NEK9: variants seen among roughly 807,000 people sequenced by gnomAD.
NEK9 encodes the protein serine/threonine-protein kinase Nek9.
A neutral mutation model predicts 123.4 loss-of-function variants in NEK9; 75 were observed. The observed-to-expected ratio is 0.61, with a 90% CI of 0.50 to 0.74. The LOEUF is 0.74. NEK9 is among the 30% of genes least tolerant of loss of function. The probability of loss-of-function intolerance (pLI) is 0.00; values close to 1 mark genes in which losing one functional copy is unlikely to be tolerated. For synonymous variants in NEK9, 438 were observed against 458.7 expected, an observed-to-expected ratio of 0.95 and a Z score of 0.58; for missense variants, 952 against 1,214.4, an observed-to-expected ratio of 0.78 and a Z score of 3.21.
Position 75,126,741 on chromosome 14 carries a change from C to A in NEK9, c.181G>T (p.Gly61Cys). The change falls in exon 1 of 22, where the codon GGC becomes TGC. Residue 61 changes from glycine (G) to cysteine (C), a missense_variant. By Grantham distance (159) the Gly-to-Cys change is radical. Around this residue, in one of 4 missense-constraint regions of NEK9, gnomAD observed 120 missense variants for 97.6 expected, o/e 1.23. Coordinates refer to ENST00000238616, the MANE Select transcript of NEK9 (RefSeq NM_033116.6). ...TACAGCGTGGCTTCCCCGAAGGCGC[C>A]GCGGCCCAGGACGCGGATGGGGATG... is the stretch of plus-strand genomic sequence containing the variant. The part of the protein sequence containing the change: ...HYIPIRVLGR[G>C]AFGEATLYRR... The A allele has an allele frequency of 6.7e-7, 1 of 1,492,250 alleles. No homozygotes were observed. The highest frequency in any genetic ancestry group is 8.9e-7 in the Non-Finnish European group (1 of 1,121,938). The allele number at this position is 1,492,250 out of a possible 1,614,324, so 92.4% of individuals were successfully genotyped here.
chr14:75,107,336 G>A lies in NEK9; in HGVS notation c.1327+7C>T. 1 of 1,610,850 alleles carries A rather than the reference G, an allele frequency of 6.2e-7. No homozygotes were observed. Among genetic ancestry groups the A allele is most frequent in the Non-Finnish European group, 8.5e-7 (1 of 1,178,770 alleles). On this transcript the variant is annotated splice_region_variant and intron_variant, in intron 11 of 21. Coordinates refer to ENST00000238616, the MANE Select transcript of NEK9 (RefSeq NM_033116.6). The stretch of plus-strand genomic sequence containing the variant: ...TGCACTTAAGACACTTTCTGCTGAT[G>A]GCTTACCAGTCACACAGACAGTGAA...
chr14:75,094,064 G>A (rs1330628214), intron 18 of NEK9, among the ~76,000 whole-genome samples: 1 of 152,106 alleles, frequency 6.6e-6, no homozygotes, highest in Non-Finnish European at 1.5e-5. Flanking sequence ...AAACAAACTT[G>A]TAGTAGAACT....
intron 2 of NEK9, among the ~76,000 whole-genome samples, chr14:75,121,959 A>G (rs1022015630): frequency 2.6e-5 from 4 of 152,228 alleles, no homozygotes; most frequent in Admixed American, 6.5e-5. Context: ...TCACACCGAA[A>G]TATTTCCCAA....
chr14:75,084,467 A>G lies in NEK9; in HGVS notation c.*97T>C. On this transcript the variant is annotated 3_prime_UTR_variant, in exon 22 of 22. Transcript: ENST00000238616. ...CTCTGCCTTGCGCTCCTTTTCTGCA[A>G]GTGAACAAAGCCAGGAAAGCTGCTC... 1 of 1,486,048 alleles carries G rather than the reference A, an allele frequency of 6.7e-7. No individual in the cohort carries two copies. Among genetic ancestry groups the G allele is most frequent in the Non-Finnish European group, 9.2e-7 (1 of 1,083,450 alleles). 92.1% of individuals were successfully genotyped at this position (1,486,048 alleles called of 1,614,324 possible). A position where few individuals can be genotyped will look rare whatever the true frequency, so the allele number is the denominator to read the frequency against.
At chr14:75,114,130 C>T in intron 7 of NEK9, 73 bp downstream of exon 7, 3 of 1,052,998 alleles carry the variant, frequency 2.8e-6, no homozygotes, top group Non-Finnish European at 3.0e-6. Flanking sequence ...TGGTTTATAG[C>T]TATGCCATAC....
At chr14:75,098,158 T>A (rs1894449997) in intron 16 of NEK9, among the ~76,000 whole-genome samples, 1 of 152,192 alleles carries the variant, frequency 6.6e-6, no homozygotes, top group African/African-American at 2.4e-5. Flanking sequence ...ATTCTGAAGA[T>A]AACCAATATG....
rs555680352 is a variant in NEK9 at position 75,126,798 on chromosome 14, C to A, written c.124G>T (p.Gly42Cys). 6.5e-7 allele frequency: 1 copy of A among 1,531,360 alleles called. No homozygotes were observed. The highest frequency in any genetic ancestry group is 2.0e-5 in the Admixed American group (1 of 49,266). The allele number at this position is 1,531,360 out of a possible 1,614,324, so 94.9% of individuals were successfully genotyped here. ...AGTTCCTCCTGCTCCGCCGCGCCGC[C>A]GCCGGCTCGCGGCCCCTGACTGGCG... is the stretch of plus-strand genomic sequence containing the variant. Reference protein sequence around the residue: ...PSASQGPRAGGGAAEQEELHY... With the variant: ...PSASQGPRAGCGAAEQEELHY... Residue 42 changes from glycine to cysteine, a missense_variant, in exon 1 of 22, where the codon GGC (glycine) becomes TGC (cysteine). Coordinates refer to ENST00000238616, the MANE Select transcript of NEK9 (RefSeq NM_033116.6).
rs765350076 is a variant in NEK9, at chr14:75,099,553, G to A, written c.2002+1439C>T. Among the ~76,000 whole-genome samples the A allele has an allele frequency of 1.3e-5, 2 of 151,996 alleles. 1 individual carries two copies. Among genetic ancestry groups the A allele is most frequent in the South Asian group, 4.1e-4 (2 of 4,826 alleles). ...TCCCAGCACTTTCGGAGGCCAAGGCGGGTGGATCATCTGAGGTCAGGAGTT... is the reference window on the plus strand; with the variant it reads ...TCCCAGCACTTTCGGAGGCCAAGGCAGGTGGATCATCTGAGGTCAGGAGTT... On this transcript the variant is annotated intron_variant, in intron 16 of 21. Coordinates refer to ENST00000238616, the MANE Select transcript of NEK9 (RefSeq NM_033116.6).
At chr14:75,119,746 C>T (rs1315707783) in intron 4 of NEK9, among the ~76,000 whole-genome samples, 1 of 152,204 alleles carries the variant, frequency 6.6e-6, no homozygotes, top group African/African-American at 2.4e-5. Flanking sequence ...AATAAAATCA[C>T]AGGCTATTTT....
intron 12 of NEK9, chr14:75,106,291 G>A: frequency 3.4e-6 from 2 of 593,858 alleles, no homozygotes; most frequent in Non-Finnish European, 5.9e-6. Context: ...CTCGGGAGGT[G>A]GTGGTTGCAA....
At chr14:75,090,824 C>T (rs1894192375) in intron 19 of NEK9, among the ~76,000 whole-genome samples, 1 of 152,134 alleles carries the variant, frequency 6.6e-6, no homozygotes, top group South Asian at 2.1e-4. Context: ...CCTCCTGCCT[C>T]AGCCTCCCAA....
At chr14:75,110,413 TTTTTA>T in intron 8 of NEK9, 42 bp from the exon 9 acceptor site, 1 of 1,479,480 alleles carries the variant, frequency 6.8e-7, no homozygotes, top group East Asian at 2.3e-5. Flanking sequence ...AAATAATAGG[TTTTTA>T]TATTGCAAAG....
In NEK9 at chr14:75,120,527, T is replaced by C. The variant is rs767755412; in HGVS notation, c.507A>G (p.Lys169=). ...QIVSAVSCIH[K]AGILHRDIKT... is the part of the protein sequence containing the mutation. ...CTTCTTACCTATGAAGGATTCCAGC[T>C]TTATGGATGCAGCTCACTGCTGAAA... Residue 169 remains lysine, a synonymous_variant, in exon 4 of 22, where the codon AAA becomes AAG. Transcript: ENST00000238616. 5.6e-6 allele frequency: 9 copies of C among 1,612,272 alleles called. No homozygotes were observed. In the South Asian group the frequency reaches 8.8e-5, roughly 16 times the overall value.
chr14:75,085,574 A>C (rs953503765), intron 21 of NEK9, among the ~76,000 whole-genome samples: 1 of 152,228 alleles, frequency 6.6e-6, no homozygotes, highest in Non-Finnish European at 1.5e-5. Flanking sequence ...GAATCTAATC[A>C]AGCCTTAGGT....
intron 8 of NEK9, among the ~76,000 whole-genome samples, 190 bp downstream of exon 8, chr14:75,113,149 A>G (rs974157639): frequency 1.3e-5 from 2 of 152,214 alleles, no homozygotes; most frequent in Non-Finnish European, 2.9e-5. Flanking sequence ...CAAATTTACA[A>G]CAAAACAGCA....
chr14:75,087,793 TTTTTTTATAGGAGGG>T (rs1225450277), intron 20 of NEK9, among the ~76,000 whole-genome samples: 1 of 152,194 alleles, frequency 6.6e-6, no homozygotes, highest in Non-Finnish European at 1.5e-5. Flanking sequence ...TCTACTGTAC[TTTTTTTATAGGAGGG>T]TTCAACAAAT....
At chr14:75,091,559 G>A in intron 18 of NEK9, 81 bp from the exon 19 acceptor site, 1 of 1,232,430 alleles carries the variant, frequency 8.1e-7, no homozygotes, top group Non-Finnish European at 1.1e-6. Context: ...TACTTACCCT[G>A]GAAAGGTGCC....
intron 19 of NEK9, among the ~76,000 whole-genome samples, chr14:75,090,525 G>C (rs1449929357): frequency 6.6e-6 from 1 of 151,400 alleles, no homozygotes; most frequent in Non-Finnish European, 1.5e-5. Flanking sequence ...CATATGTTGT[G>C]AGTAACTTTC....
chr14:75,102,648 G>A (rs575280167), intron 14 of NEK9, among the ~76,000 whole-genome samples: 2 of 152,154 alleles, frequency 1.3e-5, no homozygotes, highest in South Asian at 2.1e-4. Flanking sequence ...CACCGTGCCC[G>A]GCAACTGAAT....
Sources: gnomAD v4.1 joint callset for allele counts (sites outside exome capture counted in the v4.1 genomes callset) on GRCh38, gnomAD v4.1.1 for gene constraint, gnomAD v4.1.1 regional missense constraint, MANE v1.5 for transcripts, NCBI Gene and HGNC (gene_info 2026-07-23, HGNC 2026-07-21) for gene names.